The following KLHL3 variants were observed in gnomAD, a reference collection of about 807,000 sequenced individuals.
KLHL3 encodes the protein kelch like family member 3, also known as kelch-like protein 3.
KLHL3 carries 19 observed loss-of-function variants against 70.5 expected under a neutral mutation model. That is an observed-to-expected ratio of 0.27 (90% CI 0.19 to 0.40). The LOEUF (loss-of-function observed/expected upper bound fraction) is 0.40, where lower values mean the gene tolerates loss of function less well. Ranked by LOEUF, KLHL3 falls within the 10% of genes least tolerant of loss-of-function variation. The pLI, the probability that KLHL3 is intolerant of heterozygous loss-of-function variation, is 1.00. For missense variants in KLHL3, 512 were observed against 771.1 expected, an observed-to-expected ratio of 0.66 and a Z score of 3.98; for synonymous variants, 258 against 290.3, an observed-to-expected ratio of 0.89 and a Z score of 1.13.
At chr5:137,626,824 T>C (rs1354715891) in intron 13 of KLHL3, among the ~76,000 whole-genome samples, 1 of 152,108 alleles carries the variant, frequency 6.6e-6, no homozygotes. Flanking sequence ...GGCAACATGG[T>C]GAAACCCTGT....
chr5:137,652,267 A>G (rs1443882523), intron 8 of KLHL3, among the ~76,000 whole-genome samples: 1 of 152,208 alleles, frequency 6.6e-6, no homozygotes, highest in African/African-American at 2.4e-5. Flanking sequence ...ACTTGCTCAA[A>G]AAAATAAAAA....
chr5:137,734,805 C>T (rs541113090), intron 1 of KLHL3, among the ~76,000 whole-genome samples: 1 of 152,316 alleles, frequency 6.6e-6, no homozygotes. Flanking sequence ...TATTTTACTT[C>T]ATAGACAGAG....
At chr5:137,667,839 G>T (rs904392005) in intron 6 of KLHL3, among the ~76,000 whole-genome samples, 1 of 152,192 alleles carries the variant, frequency 6.6e-6, no homozygotes, top group African/African-American at 2.4e-5. Context: ...GACCTGAATT[G>T]TTACTCAATC....
intron 14 of KLHL3, among the ~76,000 whole-genome samples, chr5:137,624,146 A>G (rs1386650559): frequency 3.3e-5 from 5 of 152,202 alleles, no homozygotes; most frequent in Non-Finnish European, 1.5e-5. Flanking sequence ...ATTACAAGTA[A>G]GGCCCCAATA....
chr5:137,658,674 A>G (rs1751402505), intron 7 of KLHL3, among the ~76,000 whole-genome samples: 1 of 152,246 alleles, frequency 6.6e-6, no homozygotes, highest in Non-Finnish European at 1.5e-5. Context: ...TATAATGCTT[A>G]GGGCAAACAG....
chr5:137,660,338 A>G (rs1326064190), intron 7 of KLHL3, among the ~76,000 whole-genome samples: 3 of 152,180 alleles, frequency 2.0e-5, no homozygotes, highest in Non-Finnish European at 4.4e-5. Context: ...TCTGGAACCC[A>G]GGTCCCCAGG....
intron 5 of KLHL3, among the ~76,000 whole-genome samples, chr5:137,686,609 C>T (rs1251378824): frequency 6.6e-6 from 1 of 152,090 alleles, no homozygotes; most frequent in Non-Finnish European, 1.5e-5. Context: ...TGTGTGTGAC[C>T]CTAGTGGGTG....
chr5:137,701,288 T>C (rs974923624), intron 3 of KLHL3, among the ~76,000 whole-genome samples: 1 of 152,176 alleles, frequency 6.6e-6, no homozygotes, highest in African/African-American at 2.4e-5. Flanking sequence ...CCTCAGACGA[T>C]CTGTCCTCCT....
At position 137,619,877 on chromosome 5, in the gene KLHL3, C is replaced by T. The variant is rs1375124666; in HGVS notation, c.*2221G>A. Reference sequence around the variant, plus strand: ...AAGACGACACATAAAAGTAGCCTCTCCCGCATGAAAGTCTAGCTTCTCAGT... The same window carrying T: ...AAGACGACACATAAAAGTAGCCTCTTCCGCATGAAAGTCTAGCTTCTCAGT... On this transcript the variant is annotated 3_prime_UTR_variant, in exon 15 of 15. Coordinates refer to ENST00000309755, the MANE Select transcript of KLHL3 (RefSeq NM_017415.3). 6.6e-6 allele frequency: 1 copy of T among 152,514 alleles called. No homozygotes were observed. The highest frequency in any genetic ancestry group is 1.5e-5 in the Non-Finnish European group (1 of 68,022). The allele number at this position is 152,514 out of a possible 1,614,324, so 9.4% of individuals were successfully genotyped here.
intron 5 of KLHL3, among the ~76,000 whole-genome samples, chr5:137,678,180 C>T (rs1349450489): frequency 1.3e-5 from 2 of 152,094 alleles, no homozygotes; most frequent in Non-Finnish European, 2.9e-5. Flanking sequence ...TATTGTGAGT[C>T]TCTGGTTCAT....
chr5:137,674,446 T>TA (rs1355044845), intron 6 of KLHL3, among the ~76,000 whole-genome samples: 1 of 152,218 alleles, frequency 6.6e-6, no homozygotes, highest in Non-Finnish European at 1.5e-5. Context: ...CTTGCAAACT[T>TA]ACAAGATGAA....
intron 4 of KLHL3, among the ~76,000 whole-genome samples, chr5:137,692,943 C>A (rs1478863346): frequency 6.6e-6 from 1 of 152,046 alleles, no homozygotes; most frequent in Non-Finnish European, 1.5e-5. Context: ...GAATCTAACT[C>A]AATAGGTATG....
At chr5:137,726,151 G>A (rs886348823) in intron 1 of KLHL3, among the ~76,000 whole-genome samples, 1 of 152,034 alleles carries the variant, frequency 6.6e-6, no homozygotes, top group African/African-American at 2.4e-5. Context: ...AGGTCTCTTC[G>A]GGGCTGTGAG....
chr5:137,692,252 CG>C (rs1561608541), intron 5 of KLHL3, 32 bp downstream of exon 5: 1 of 1,592,518 alleles, frequency 6.3e-7, no homozygotes, highest in Non-Finnish European at 8.6e-7. Flanking sequence ...TCCACAAACT[CG>C]GAGGAGGTGC....
chr5:137,726,043 T>A (rs1468864015), intron 1 of KLHL3, among the ~76,000 whole-genome samples: 2 of 152,124 alleles, frequency 1.3e-5, no homozygotes, highest in Non-Finnish European at 2.9e-5. Flanking sequence ...TGTTCCCCAC[T>A]CTAGATACTC....
At chr5:137,712,998 A>T (rs902653791) in intron 2 of KLHL3, among the ~76,000 whole-genome samples, 1 of 151,954 alleles carries the variant, frequency 6.6e-6, no homozygotes, top group African/African-American at 2.4e-5. Context: ...TTTCCAAATA[A>T]TATTTCATTT....
chr5:137,685,185 A>G (rs1752131681), intron 5 of KLHL3, among the ~76,000 whole-genome samples: 1 of 152,260 alleles, frequency 6.6e-6, no homozygotes, highest in Admixed American at 6.5e-5. Context: ...TCCAACAACT[A>G]TGCTACTAAG....
At chr5:137,655,997 A>G (rs1289253215) in intron 8 of KLHL3, among the ~76,000 whole-genome samples, 1 of 150,666 alleles carries the variant, frequency 6.6e-6, no homozygotes, top group African/African-American at 2.4e-5. Flanking sequence ...CCTCAAGAAA[A>G]AAAAAAAAAA....
At chr5:137,642,834 C>T (rs1451694211) in intron 8 of KLHL3, among the ~76,000 whole-genome samples, 2 of 151,516 alleles carry the variant, frequency 1.3e-5, no homozygotes, top group African/African-American at 4.9e-5. Flanking sequence ...TTTGCTTATA[C>T]TTGGCATAAG....
Sources: gnomAD v4.1 joint callset for allele counts (sites outside exome capture counted in the v4.1 genomes callset) on GRCh38, gnomAD v4.1.1 for gene constraint, MANE v1.5 for transcripts, NCBI Gene and HGNC (gene_info 2026-07-23, HGNC 2026-07-21) for gene names.